Variants in DOP1B observed in about 807,000 individuals in gnomAD.
DOP1B encodes protein DOP1B.
DOP1B carries 174 observed loss-of-function variants against 233.5 expected under a neutral mutation model. The ratio of observed to expected loss-of-function variants is 0.75; its 90% CI spans 0.66 to 0.85. The LOEUF is 0.85. DOP1B is among the 40% of genes least tolerant of loss of function. DOP1B has a pLI of 0.00. For missense variants in DOP1B, 2,652 were observed against 2,846.6 expected, an observed-to-expected ratio of 0.93 and a Z score of 1.56; for synonymous variants, 1,190 against 1,185.6, an observed-to-expected ratio of 1.00 and a Z score of -0.08.
At chr21:36,215,251 C>T (rs2066545659) in intron 9 of DOP1B, among the ~76,000 whole-genome samples, 1 of 152,088 alleles carries the variant, frequency 6.6e-6, no homozygotes, top group South Asian at 2.1e-4. Flanking sequence ...CTTCTTTTCA[C>T]TGTGGAGAGT....
intron 2 of DOP1B, among the ~76,000 whole-genome samples, chr21:36,167,853 ATG>A (rs1169007732): frequency 6.7e-6 from 1 of 148,172 alleles, no homozygotes; most frequent in East Asian, 2.0e-4. Flanking sequence ...ATGTTATAGT[ATG>A]TGTTAGAATT....
rs2066692608 is a variant in DOP1B at position 36,226,998 on chromosome 21, G to A, written c.1474-688G>A. Among the ~76,000 whole-genome samples, 4 of 151,954 alleles carry A rather than the reference G, an allele frequency of 2.6e-5. No individual in the cohort carries two copies. The South Asian group carries it at 8.3e-4, about 32-fold the overall frequency. ...AGGTGGGCGGATCACAAGGTCAGGA[G>A]ATTGAGACCACCCTGGCTAACACGG... On this transcript the variant is annotated intron_variant, in intron 12 of 36. Transcript: ENST00000691173.
chr21:36,220,984 A>G (rs2066616701), intron 10 of DOP1B, among the ~76,000 whole-genome samples: 1 of 150,508 alleles, frequency 6.6e-6, no homozygotes, highest in Non-Finnish European at 1.5e-5. Flanking sequence ...CTAATTTTTA[A>G]TTTTTCTGTA....
At chr21:36,224,547 TG>T (rs5843750) in intron 11 of DOP1B, among the ~76,000 whole-genome samples, 44,780 of 151,450 alleles carry the variant, frequency 0.3, 7,366 homozygotes, top group East Asian at 0.46. Flanking sequence ...TCTCCATCTT[TG>T]CAACATTTTG....
chr21:36,197,176 C>T (rs1029464407), intron 2 of DOP1B, among the ~76,000 whole-genome samples: 1 of 152,134 alleles, frequency 6.6e-6, no homozygotes, highest in East Asian at 1.9e-4. Flanking sequence ...TTGTGATCCA[C>T]CCACCTCTGC....
In DOP1B at chr21:36,164,699, T is replaced by C. The variant is rs919231265; in HGVS notation, c.-26-9T>C. The C allele has an allele frequency of 9.2e-6, 14 of 1,528,858 alleles. No individual in the cohort carries two copies. Among genetic ancestry groups the C allele is most frequent in the Admixed American group, 2.2e-5 (1 of 45,154 alleles). The allele number at this position is 1,528,858 out of a possible 1,614,324, so 94.7% of individuals were successfully genotyped here. On this transcript the variant is annotated splice_polypyrimidine_tract_variant and intron_variant, in intron 1 of 36. Transcript: ENST00000691173. ...TCTCTCATTTGGTTATTTTTTGATT[T>C]GCTTTTAGATACTTTTCTGCTGTGA... is the stretch of plus-strand genomic sequence containing the variant.
chr21:36,210,939 A>G (rs2066489544), intron 5 of DOP1B, among the ~76,000 whole-genome samples: 1 of 152,194 alleles, frequency 6.6e-6, no homozygotes, highest in Non-Finnish European at 1.5e-5. Flanking sequence ...CTGCGCTCCC[A>G]CACGACTGCC....
chr21:36,245,697 G>C lies in DOP1B; in HGVS notation c.3717G>C (p.Arg1239=), dbSNP rs1225202251. The C allele has an allele frequency of 6.2e-7, 1 of 1,613,642 alleles. No individual in the cohort carries two copies. The highest frequency in any genetic ancestry group is 1.3e-5 in the African/African-American group (1 of 74,908). ...LLYLQPYDSR[R]VLYAFSVLEA... is the part of the protein sequence containing the mutation. Reference sequence around the variant, plus strand: ...ACCTGCAGCCCTACGACTCTCGGCGGGTCCTCTATGCCTTCTCGGTGCTGG... The same window carrying C: ...ACCTGCAGCCCTACGACTCTCGGCGCGTCCTCTATGCCTTCTCGGTGCTGG... Residue 1239 remains arginine (R), a synonymous_variant, in exon 19 of 37, where the codon CGG becomes CGC. Transcript: ENST00000691173. The surrounding 1 kb of genome is among the most constrained non-coding windows in gnomAD (Gnocchi z 5.5).
chr21:36,234,254 A>G (rs184182696), intron 15 of DOP1B, among the ~76,000 whole-genome samples: 42 of 152,308 alleles, frequency 2.8e-4, no homozygotes, highest in African/African-American at 8.4e-4. Flanking sequence ...TGGAACCGCT[A>G]TAAGCAGCAG....
chr21:36,191,814 C>T (rs2066238216), intron 2 of DOP1B, among the ~76,000 whole-genome samples: 1 of 151,694 alleles, frequency 6.6e-6, no homozygotes, highest in Admixed American at 6.6e-5. Flanking sequence ...ATGGCTCTTA[C>T]AGCCTTAGCC....
chr21:36,263,448 C>G (rs993936002), intron 24 of DOP1B, 98 bp from the exon 25 acceptor site: 8 of 1,038,190 alleles, frequency 7.7e-6, no homozygotes, highest in Non-Finnish European at 1.2e-5. Context: ...GCTGTTTACC[C>G]TTTGCTTTCC....
chr21:36,172,598 C>T (rs1351222680), intron 2 of DOP1B, among the ~76,000 whole-genome samples: 1 of 151,692 alleles, frequency 6.6e-6, no homozygotes, highest in Non-Finnish European at 1.5e-5. Flanking sequence ...CCTTGTCTCT[C>T]CAAAACTACA....
At chr21:36,179,780 A>G (rs2066074612) in intron 2 of DOP1B, among the ~76,000 whole-genome samples, 1 of 152,202 alleles carries the variant, frequency 6.6e-6, no homozygotes, top group South Asian at 2.1e-4. Context: ...AGGAGTGGAC[A>G]AGATCTCGAA....
At chr21:36,256,222 C>G (rs551351162) in intron 23 of DOP1B, among the ~76,000 whole-genome samples, 50 of 152,204 alleles carry the variant, frequency 3.3e-4, no homozygotes, top group African/African-American at 1.2e-3. Flanking sequence ...AGTCCTAGCA[C>G]TTTAGTCCAG....
Position 36,239,806 on chromosome 21 carries a change from G to A in DOP1B, c.2918G>A (p.Gly973Asp). The change falls in exon 18 of 37, where the codon GGT (glycine) becomes GAT (aspartate). Residue 973 changes from glycine to aspartate, a missense_variant. Around this residue, in one of 3 missense-constraint regions of DOP1B, gnomAD observed 2,617 missense variants for 2,794.3 expected, o/e 0.94. Coordinates refer to ENST00000691173, the MANE Select transcript of DOP1B (RefSeq NM_001320714.2). ...VVLDSLACTD[G>D]AIGAAAQGWL... ...CTGGACAGCCTGGCCTGCACGGATGGTGCCATCGGTGCGGCAGCCCAGGGC... is the reference window on the plus strand; with the variant it reads ...CTGGACAGCCTGGCCTGCACGGATGATGCCATCGGTGCGGCAGCCCAGGGC... 1.3e-6 allele frequency: 2 copies of A among 1,560,374 alleles called. No individual in the cohort carries two copies. The highest frequency in any genetic ancestry group is 2.4e-5 in the East Asian group (1 of 41,670).
chr21:36,225,186 G>A (rs953492445), intron 11 of DOP1B, among the ~76,000 whole-genome samples: 1 of 151,940 alleles, frequency 6.6e-6, no homozygotes, highest in Admixed American at 6.6e-5. Context: ...TAACGTTACT[G>A]GAAATTGTAA....
intron 1 of DOP1B, among the ~76,000 whole-genome samples, chr21:36,157,595 G>T (rs1184757708): frequency 6.6e-6 from 1 of 151,770 alleles, no homozygotes; most frequent in Non-Finnish European, 1.5e-5. Flanking sequence ...GGATTTTTTT[G>T]GTAAGGCGAG....
At chr21:36,191,468 G>A (rs1415762774) in intron 2 of DOP1B, among the ~76,000 whole-genome samples, 2 of 152,140 alleles carry the variant, frequency 1.3e-5, no homozygotes, top group Non-Finnish European at 2.9e-5. Context: ...TCCAGGAGGG[G>A]CTGGCGTGCA....
intron 10 of DOP1B, among the ~76,000 whole-genome samples, chr21:36,220,312 C>T (rs577136029): frequency 6.6e-6 from 1 of 152,118 alleles, no homozygotes; most frequent in Non-Finnish European, 1.5e-5. Flanking sequence ...CTCATTGTTG[C>T]ATTTACTGAT....
Sources: allele counts gnomAD v4.1 joint callset (sites outside exome capture counted in the v4.1 genomes callset), GRCh38; gene constraint gnomAD v4.1.1; regional missense constraint gnomAD v4.1.1; non-coding constraint Gnocchi (gnomAD v3.1); transcripts MANE v1.5; gene names NCBI Gene and HGNC (gene_info 2026-07-23, HGNC 2026-07-21).